Variants in LRFN5 observed in about 807,000 individuals in gnomAD.
LRFN5 encodes the protein leucine rich repeat and fibronectin type III domain containing 5.
In LRFN5, 24 loss-of-function variants were observed where a neutral mutation model predicts 45.6. The ratio of observed to expected loss-of-function variants is 0.53; its 90% CI spans 0.38 to 0.74. The LOEUF (loss-of-function observed/expected upper bound fraction) is 0.74, where lower values mean the gene tolerates loss of function less well. Among genes scored for constraint, LRFN5 ranks in the 30% least tolerant of loss-of-function variants. The probability of loss-of-function intolerance (pLI) is 0.00; values close to 1 mark genes in which losing one functional copy is unlikely to be tolerated. For synonymous variants in LRFN5, 340 were observed against 313.8 expected (o/e 1.08, Z -0.88); for missense variants, 776 against 861.5 (o/e 0.90, Z 1.24).
chr14:41,728,989 G>A (rs1165339846), intron 1 of LRFN5, among the ~76,000 whole-genome samples: 1 of 152,048 alleles, frequency 6.6e-6, no homozygotes, highest in Non-Finnish European at 1.5e-5. Flanking sequence ...TTCACAGATG[G>A]CATCTTTTAA....
chr14:41,870,260 T>A (rs940131529), intron 2 of LRFN5, among the ~76,000 whole-genome samples: 1 of 152,156 alleles, frequency 6.6e-6, no homozygotes, highest in Non-Finnish European at 1.5e-5. Flanking sequence ...AGAGGGAAGC[T>A]GCTGTTTGGA....
chr14:41,857,886 A>G (rs1307329074), intron 2 of LRFN5, among the ~76,000 whole-genome samples: 5 of 152,184 alleles, frequency 3.3e-5, no homozygotes, highest in South Asian at 2.1e-4. Context: ...AAGAGAAAAG[A>G]GATAGTTCCA....
chr14:41,726,650 T>G (rs1412280686), intron 1 of LRFN5, among the ~76,000 whole-genome samples: 1 of 152,154 alleles, frequency 6.6e-6, no homozygotes, highest in Non-Finnish European at 1.5e-5. Context: ...TTTGACTTTT[T>G]AATGGCCATC....
chr14:41,704,603 T>A (rs142230339), intron 1 of LRFN5, among the ~76,000 whole-genome samples: 6 of 151,954 alleles, frequency 3.9e-5, no homozygotes, highest in Non-Finnish European at 1.5e-5. Flanking sequence ...GAACTACAGA[T>A]GCGTGCCACC....
At chr14:41,685,790 T>C (rs1392406647) in intron 1 of LRFN5, among the ~76,000 whole-genome samples, 1 of 152,166 alleles carries the variant, frequency 6.6e-6, no homozygotes, top group Non-Finnish European at 1.5e-5. Context: ...TGTGGTGTTA[T>C]TTCTGAGGTT....
Position 41,887,535 on chromosome 14 carries a change from G to A in LRFN5, c.910G>A (p.Ala304Thr). Residue 304 changes from alanine (A) to threonine (T), a missense_variant, in exon 3 of 6, where the codon GCA becomes ACA. By Grantham distance (58) the Ala-to-Thr change is moderately conservative (BLOSUM62 0). This residue lies in a region of LRFN5 where 311 missense variants were observed against 405.1 expected (regional missense o/e 0.77). Coordinates refer to ENST00000298119, the MANE Select transcript of LRFN5 (RefSeq NM_152447.5). The surrounding 1 kb of genome is among the most constrained non-coding windows in gnomAD (Gnocchi z 4.8). The part of the protein sequence containing the change: ...HEMRVLEGQR[A>T]TLRCKARGDP... The stretch of plus-strand genomic sequence containing the variant: ...GATGAGAGTCCTGGAGGGACAAAGG[G>A]CAACACTGAGGTGCAAAGCCAGGGG... 6.2e-7 allele frequency: 1 copy of A among 1,614,172 alleles called. No homozygotes were observed. Among genetic ancestry groups the A allele is most frequent in the African/African-American group, 1.3e-5 (1 of 75,040 alleles).
chr14:41,895,756 C>T (rs1957869), intron 4 of LRFN5, among the ~76,000 whole-genome samples: 103,248 of 150,996 alleles, frequency 0.68, 35,346 homozygotes, highest in Middle Eastern at 0.79. Context: ...TCTCTGTAAG[C>T]TGTTTCATGC....
chr14:41,654,286 G>T (rs1192926419), intron 1 of LRFN5, among the ~76,000 whole-genome samples: 1 of 152,000 alleles, frequency 6.6e-6, no homozygotes, highest in Non-Finnish European at 1.5e-5. Flanking sequence ...GTTTTATTTT[G>T]TCAAATTAAT....
rs61988378 is a variant in LRFN5 at position 41,781,620 on chromosome 14, A to G, written c.-21+14591A>G. ...AGAAAGAAAGAAAGAAAGAAAGAGA[A>G]AGAAAGAAAGAAAGGAAAGAAAGAA... On this transcript the variant is annotated intron_variant, in intron 2 of 5. Coordinates refer to ENST00000298119, the MANE Select transcript of LRFN5 (RefSeq NM_152447.5). 1.3e-3 allele frequency among the ~76,000 whole-genome samples: 130 copies of G among 99,780 alleles called. 5 individuals are homozygous for G. Among genetic ancestry groups the G allele is most frequent in the Admixed American group, 4.5e-3 (47 of 10,452 alleles). 65.5% of individuals were successfully genotyped at this position (99,780 alleles called of 152,430 possible).
At chr14:41,709,381 C>A (rs1328043503) in intron 1 of LRFN5, among the ~76,000 whole-genome samples, 1 of 151,766 alleles carries the variant, frequency 6.6e-6, no homozygotes, top group African/African-American at 2.4e-5. Context: ...ATTTTTGGAC[C>A]CAGACTTGGA....
chr14:41,652,298 G>A (rs1033286174), intron 1 of LRFN5, among the ~76,000 whole-genome samples: 4 of 152,016 alleles, frequency 2.6e-5, no homozygotes, highest in Admixed American at 6.6e-5. Flanking sequence ...ATTCCTAGAA[G>A]TGTAAAATGT....
At chr14:41,681,804 A>T (rs1881900666) in intron 1 of LRFN5, among the ~76,000 whole-genome samples, 1 of 91,476 alleles carries the variant, frequency 1.1e-5, no homozygotes, top group Non-Finnish European at 1.9e-5. Context: ...TATTTTATTT[A>T]TTTATTTATT....
chr14:41,690,414 A>C (rs943753805), intron 1 of LRFN5, among the ~76,000 whole-genome samples: 1 of 152,012 alleles, frequency 6.6e-6, no homozygotes, highest in African/African-American at 2.4e-5. Context: ...TTAGCCGGGC[A>C]TGGTGGTGTG....
intron 1 of LRFN5, among the ~76,000 whole-genome samples, chr14:41,735,372 A>T (rs1884380115): frequency 6.6e-6 from 1 of 151,688 alleles, no homozygotes; most frequent in Admixed American, 6.6e-5. Context: ...GGCTCAAGCA[A>T]TCTCCCTACC....
chr14:41,716,581 A>G (rs1594641116), intron 1 of LRFN5, among the ~76,000 whole-genome samples: 3 of 152,236 alleles, frequency 2.0e-5, no homozygotes, highest in East Asian at 3.9e-4. Flanking sequence ...CCAGTTCCCA[A>G]CAAGATCCTC....
chr14:41,768,669 C>G (rs1314094292), intron 2 of LRFN5, among the ~76,000 whole-genome samples: 1 of 152,056 alleles, frequency 6.6e-6, no homozygotes, highest in Non-Finnish European at 1.5e-5. Flanking sequence ...GGCAACCCCA[C>G]AAGAAACTCC....
At position 41,634,954 on chromosome 14, in the gene LRFN5, T is replaced by C. The variant is rs184605596; in HGVS notation, c.-197+26392T>C. Among the ~76,000 whole-genome samples, 61 of 152,230 alleles carry C rather than the reference T, an allele frequency of 4.0e-4. 1 individual carries two copies. In the South Asian group the frequency reaches 0.011, roughly 27 times the overall value. On this transcript the variant is annotated intron_variant, in intron 1 of 5. Coordinates refer to ENST00000298119, the MANE Select transcript of LRFN5 (RefSeq NM_152447.5). ...AATAATTTAATTATGTAATGAAACA[T>C]AATTACATTTAAACAGTTTTATTTT...
intron 2 of LRFN5, among the ~76,000 whole-genome samples, chr14:41,797,451 T>C (rs1887171588): frequency 6.6e-6 from 1 of 151,742 alleles, no homozygotes; most frequent in African/African-American, 2.4e-5. Context: ...GCAAATCTTA[T>C]GATAGCATTG....
chr14:41,692,539 A>G (rs774266538), intron 1 of LRFN5, among the ~76,000 whole-genome samples: 5 of 152,080 alleles, frequency 3.3e-5, no homozygotes, highest in Non-Finnish European at 5.9e-5. Flanking sequence ...TACATTAGGT[A>G]TATCTCCTAA....
Sources: gnomAD v4.1 joint callset for allele counts (sites outside exome capture counted in the v4.1 genomes callset) on GRCh38, gnomAD v4.1.1 for gene constraint, gnomAD v4.1.1 regional missense constraint, Gnocchi (gnomAD v3.1) non-coding constraint, MANE v1.5 for transcripts, NCBI Gene and HGNC (gene_info 2026-07-23, HGNC 2026-07-21) for gene names.